RBFOX3: variants seen among roughly 807,000 people sequenced by gnomAD.
The protein encoded by RBFOX3 is RNA binding protein fox-1 homolog 3.
RBFOX3 carries 17 observed loss-of-function variants against 48.7 expected under a neutral mutation model. The ratio of observed to expected loss-of-function variants is 0.35; its 90% confidence interval spans 0.24 to 0.52. RBFOX3 has a LOEUF of 0.52. Among genes scored for constraint, RBFOX3 ranks in the 20% least tolerant of loss-of-function variants. RBFOX3 has a pLI of 0.94. For missense variants in RBFOX3, 382 were observed against 497.5 expected, an observed-to-expected ratio of 0.77 and a Z score of 2.21; for synonymous variants, 212 against 209.5, an observed-to-expected ratio of 1.01 and a Z score of -0.10.
intron 8 of RBFOX3, 22 bp from the exon 9 acceptor site, chr17:79,101,666 G>A: frequency 6.5e-7 from 1 of 1,549,482 alleles, no homozygotes; most frequent in South Asian, 1.2e-5. Context: ...GGGAAGGAGA[G>A]AGAGGAAGAG....
intron 2 of RBFOX3, among the ~76,000 whole-genome samples, chr17:79,430,220 C>T (rs908444456): frequency 1.3e-5 from 2 of 151,534 alleles, no homozygotes; most frequent in East Asian, 3.9e-4. Flanking sequence ...ATTGTTTTTA[C>T]AATAGCAAGA....
chr17:79,469,397 G>C (rs1198511682), intron 2 of RBFOX3, among the ~76,000 whole-genome samples: 3 of 152,212 alleles, frequency 2.0e-5, no homozygotes, highest in African/African-American at 7.2e-5. Context: ...GACCAGACCT[G>C]ACCTGAAACA....
At chr17:79,522,484 C>T (rs2086239613) in intron 1 of RBFOX3, among the ~76,000 whole-genome samples, 1 of 152,144 alleles carries the variant, frequency 6.6e-6, no homozygotes, top group Admixed American at 6.5e-5. Context: ...TACCCAACTC[C>T]AACTATTTTC....
At chr17:79,189,584 G>A (rs60208445) in intron 4 of RBFOX3, among the ~76,000 whole-genome samples, 15,380 of 152,214 alleles carry the variant, frequency 0.1, 1,124 homozygotes, top group South Asian at 0.2. Flanking sequence ...GCAGGAGGTC[G>A]CGAGGACTCA....
At chr17:79,117,092 C>T (rs1244174414) in intron 4 of RBFOX3, among the ~76,000 whole-genome samples, 1 of 152,166 alleles carries the variant, frequency 6.6e-6, no homozygotes. Context: ...GAAAGGGGCT[C>T]CGGCCTCCTC....
intron 1 of RBFOX3, among the ~76,000 whole-genome samples, chr17:79,522,050 C>T (rs2086189894): frequency 6.6e-6 from 1 of 152,156 alleles, no homozygotes; most frequent in Admixed American, 6.5e-5. Context: ...TGGACCAGTG[C>T]AGGCCACACT....
chr17:79,292,206 C>T (rs2073402128), intron 3 of RBFOX3, among the ~76,000 whole-genome samples: 1 of 152,144 alleles, frequency 6.6e-6, no homozygotes. Flanking sequence ...GGACACTTCA[C>T]AGGACCTGAA....
In RBFOX3 at chr17:79,296,305, C is replaced by CACCACA. The variant is rs1056663675; in HGVS notation, c.-74+11418_-74+11419insTGTGGT. Among the ~76,000 whole-genome samples, 194 of 130,500 alleles carry CACCACA rather than the reference C, an allele frequency of 1.5e-3. 1 individual carries two copies. Among genetic ancestry groups the CACCACA allele is most frequent in the African/African-American group, 4.9e-3 (192 of 38,826 alleles). 85.6% of individuals were successfully genotyped at this position (130,500 alleles called of 152,430 possible). A position where few individuals can be genotyped will look rare whatever the true frequency, so the allele number is the denominator to read the frequency against. ...GCACAAACAGACACACACACACACA[C>CACCACA]CACACACACACACACACACACACAA... On this transcript the variant is annotated intron_variant, in intron 3 of 14. Transcript: ENST00000693108.
rs2031642047 is a variant in RBFOX3 at position 79,111,771 on chromosome 17, C to CA, written c.222+3722dup. Among the ~76,000 whole-genome samples the CA allele has an allele frequency of 6.6e-6, 1 of 152,212 alleles. No homozygotes were observed. The highest frequency in any genetic ancestry group is 2.4e-5 in the African/African-American group (1 of 41,456). On this transcript the variant is annotated intron_variant, in intron 5 of 14. Transcript: ENST00000693108. This position sits in a 1 kb window ranked among gnomAD's most constrained non-coding sequence, Gnocchi z 4.2. ...AGGGTCCCTTGAGCACAAAGACTCC[C>CA]AAGGGCCCACAGTACTGGCACCTGC...
intron 5 of RBFOX3, among the ~76,000 whole-genome samples, chr17:79,109,778 G>T (rs1271286453): frequency 6.6e-6 from 1 of 152,188 alleles, no homozygotes; most frequent in Admixed American, 6.5e-5. Flanking sequence ...GAGGGCGATG[G>T]TGGGAACCAG....
At chr17:79,322,402 C>A (rs34737498) in intron 2 of RBFOX3, among the ~76,000 whole-genome samples, 2,516 of 152,236 alleles carry the variant, frequency 0.017, 36 homozygotes, top group Middle Eastern at 0.037. Context: ...GGTGGGGTGC[C>A]CAGGCAAGCT....
intron 1 of RBFOX3, among the ~76,000 whole-genome samples, chr17:79,485,576 G>A (rs1333463420): frequency 6.6e-6 from 1 of 152,184 alleles, no homozygotes; most frequent in Non-Finnish European, 1.5e-5. Flanking sequence ...CAGAGGCTGA[G>A]CTGAAGGCGG....
At chr17:79,649,063 C>T in the RBFOX3 span, among the ~76,000 whole-genome samples, 1 of 151,162 alleles carries the variant, frequency 6.6e-6, no homozygotes, top group Non-Finnish European at 1.5e-5. Flanking sequence ...ACTGCAGCCT[C>T]CACTTTATGG....
At chr17:79,308,032 T>C (rs961587110) in intron 2 of RBFOX3, among the ~76,000 whole-genome samples, 1 of 152,000 alleles carries the variant, frequency 6.6e-6, no homozygotes, top group Non-Finnish European at 1.5e-5. Flanking sequence ...ACCTCATGGG[T>C]AGAAGATGCT....
intron 2 of RBFOX3, among the ~76,000 whole-genome samples, chr17:79,460,047 G>A (rs1555747796): frequency 6.6e-6 from 1 of 152,132 alleles, no homozygotes. Context: ...AAAACACTCA[G>A]AACAGGCAAA....
At chr17:79,313,357 C>G (rs2077108483) in intron 2 of RBFOX3, among the ~76,000 whole-genome samples, 1 of 152,180 alleles carries the variant, frequency 6.6e-6, no homozygotes, top group African/African-American at 2.4e-5. Flanking sequence ...CAGTGAAGCA[C>G]AGTGAATATA....
intron 4 of RBFOX3, among the ~76,000 whole-genome samples, chr17:79,151,268 C>A (rs934766464): frequency 1.3e-5 from 2 of 150,198 alleles, no homozygotes; most frequent in East Asian, 4.1e-4. Context: ...GGGGGAGAAG[C>A]GAAATCCAGT....
At chr17:79,371,278 C>T (rs1047612052) in intron 2 of RBFOX3, among the ~76,000 whole-genome samples, 1 of 152,264 alleles carries the variant, frequency 6.6e-6, no homozygotes, top group African/African-American at 2.4e-5. Flanking sequence ...GTACGTTCCA[C>T]TGTGAAATGG....
intron 3 of RBFOX3, among the ~76,000 whole-genome samples, chr17:79,299,000 G>A (rs1341549498): frequency 2.0e-5 from 3 of 152,208 alleles, no homozygotes; most frequent in Admixed American, 6.5e-5. Flanking sequence ...AGGCTGGGAG[G>A]CGGGAGGGCG....
Sources: gnomAD v4.1 joint callset for allele counts (sites outside exome capture counted in the v4.1 genomes callset) on GRCh38, gnomAD v4.1.1 for gene constraint, Gnocchi (gnomAD v3.1) non-coding constraint, MANE v1.5 for transcripts, NCBI Gene and HGNC (gene_info 2026-07-23, HGNC 2026-07-21) for gene names.